Variants in HEATR3 observed in about 807,000 individuals in gnomAD.
The protein encoded by HEATR3 is HEAT repeat-containing protein 3.
HEATR3 carries 56 observed loss-of-function variants against 72.8 expected under a neutral mutation model. The ratio of observed to expected loss-of-function variants is 0.77; its 90% CI spans 0.62 to 0.96. The LOEUF (loss-of-function observed/expected upper bound fraction) is 0.96, where lower values mean the gene tolerates loss of function less well. Among genes scored for constraint, HEATR3 ranks in the 40% least tolerant of loss-of-function variants. HEATR3 has a pLI of 0.00. For missense variants in HEATR3, 747 were observed against 831.4 expected, an observed-to-expected ratio of 0.90 and a Z score of 1.25; for synonymous variants, 331 against 318.1, an observed-to-expected ratio of 1.04 and a Z score of -0.43.
chr16:50,085,591 G>A (rs1000467708), intron 10 of HEATR3, among the ~76,000 whole-genome samples: 11 of 152,152 alleles, frequency 7.2e-5, no homozygotes, highest in Non-Finnish European at 1.0e-4. Context: ...CTATGATGGT[G>A]ACACTGTACT....
chr16:50,098,130 A>G (rs1028516359), intron 12 of HEATR3: 2 of 152,154 alleles, frequency 1.3e-5, no homozygotes, highest in Non-Finnish European at 2.9e-5. Context: ...TAAATAAAAA[A>G]TGGTACAATA....
At chr16:50,080,904 C>A (rs186583335) in intron 7 of HEATR3, among the ~76,000 whole-genome samples, 15 of 152,142 alleles carry the variant, frequency 9.9e-5, no homozygotes, top group Non-Finnish European at 1.9e-4. Flanking sequence ...GATCTGAAAT[C>A]CCTTGCTGGG....
intron 11 of HEATR3, among the ~76,000 whole-genome samples, chr16:50,092,752 C>CA (rs2037148263): frequency 6.6e-6 from 1 of 151,774 alleles, no homozygotes; most frequent in Admixed American, 6.6e-5. Context: ...CAAGGTCATT[C>CA]TTTTAGCTTG....
At chr16:50,080,966 C>T (rs1459956022) in intron 7 of HEATR3, among the ~76,000 whole-genome samples, 3 of 152,168 alleles carry the variant, frequency 2.0e-5, no homozygotes, top group Non-Finnish European at 4.4e-5. Flanking sequence ...GCCTTGCTTC[C>T]AAGGACCTTC....
intron 7 of HEATR3, among the ~76,000 whole-genome samples, chr16:50,081,689 C>T (rs1203754426): frequency 6.6e-6 from 1 of 152,154 alleles, no homozygotes; most frequent in African/African-American, 2.4e-5. Context: ...CCAGTGTCTT[C>T]TGCAGCACTC....
At chr16:50,098,654 T>TC (rs1362454922) in intron 12 of HEATR3, among the ~76,000 whole-genome samples, 2 of 151,662 alleles carry the variant, frequency 1.3e-5, no homozygotes, top group Non-Finnish European at 1.5e-5. Context: ...ATACTCCGTT[T>TC]CAAAAATAAT....
intron 7 of HEATR3, among the ~76,000 whole-genome samples, chr16:50,080,883 T>G (rs1225080387): frequency 6.6e-6 from 1 of 152,140 alleles, no homozygotes; most frequent in African/African-American, 2.4e-5. Flanking sequence ...TCTGATATAC[T>G]GTGTTTGAAG....
At chr16:50,103,650 A>G (rs978360476) in intron 14 of HEATR3, among the ~76,000 whole-genome samples, 1 of 152,144 alleles carries the variant, frequency 6.6e-6, no homozygotes, top group African/African-American at 2.4e-5. Context: ...AGCCTTCCAG[A>G]TGATACCGTT....
intron 12 of HEATR3, among the ~76,000 whole-genome samples, chr16:50,096,534 C>T (rs967921696): frequency 6.6e-6 from 1 of 152,134 alleles, no homozygotes; most frequent in Non-Finnish European, 1.5e-5. Context: ...TGCAGTGGCT[C>T]ACGCCTGTAA....
Position 50,105,053 on chromosome 16 carries a change from A to G in HEATR3, c.2035A>G (p.Thr679Ala). 1 of 1,608,950 alleles carries G rather than the reference A, an allele frequency of 6.2e-7. No individual in the cohort carries two copies. The highest frequency in any genetic ancestry group is 8.5e-7 in the Non-Finnish European group (1 of 1,178,900). Residue 679 changes from threonine to alanine, a missense_variant, in exon 15 of 15, where the codon ACT becomes GCT. By Grantham distance (58) the Thr-to-Ala change is moderately conservative. Coordinates refer to ENST00000299192, the MANE Select transcript of HEATR3 (RefSeq NM_182922.4). ...AYQETVEKRL[T>A]S ...TCAAGAAACTGTTGAGAAAAGACTG[A>G]CTTCTTAAACAATCCAAAAAAGAAA...
chr16:50,069,984 T>C (rs1414271696), intron 3 of HEATR3, among the ~76,000 whole-genome samples, 194 bp from the exon 4 acceptor site: 1 of 152,244 alleles, frequency 6.6e-6, no homozygotes, highest in Non-Finnish European at 1.5e-5. Context: ...TTTTGTTGCC[T>C]TCCTACTGTC....
intron 11 of HEATR3, among the ~76,000 whole-genome samples, chr16:50,092,096 G>A (rs1474261944): frequency 6.6e-6 from 1 of 152,028 alleles, no homozygotes; most frequent in Non-Finnish European, 1.5e-5. Context: ...CAGCACTTTG[G>A]GATGCTGAGG....
intron 10 of HEATR3, 24 bp downstream of exon 10, chr16:50,084,675 A>C: frequency 3.4e-6 from 5 of 1,484,722 alleles, no homozygotes; most frequent in Non-Finnish European, 4.7e-6. Flanking sequence ...TGCTTTCAAA[A>C]ACATTTGTCA....
At chr16:50,098,199 TTTGTACCCAAAAAGGTACA>T (rs2037286953) in intron 12 of HEATR3, 2 of 152,284 alleles carry the variant, frequency 1.3e-5, no homozygotes, top group South Asian at 2.1e-4. Flanking sequence ...AAAAGATACA[TTTGTACCCAAAAAGGTACA>T]TTGTACCCAA....
intron 12 of HEATR3, among the ~76,000 whole-genome samples, chr16:50,096,117 G>A (rs2150623359): frequency 6.6e-6 from 1 of 151,994 alleles, no homozygotes; most frequent in African/African-American, 2.4e-5. Context: ...CTGAGGTCAG[G>A]AAGTCAAGAC....
At chr16:50,072,306 G>A (rs968123839) in intron 4 of HEATR3, among the ~76,000 whole-genome samples, 1 of 152,132 alleles carries the variant, frequency 6.6e-6, no homozygotes, top group East Asian at 1.9e-4. Context: ...ATAAAATGGG[G>A]AGTTGAATTA....
At chr16:50,104,275 T>C (rs2037432045) in intron 14 of HEATR3, among the ~76,000 whole-genome samples, 1 of 152,088 alleles carries the variant, frequency 6.6e-6, no homozygotes, top group Admixed American at 6.6e-5. Flanking sequence ...ATCACTTGCG[T>C]CCGGGAGGTC....
intron 12 of HEATR3, among the ~76,000 whole-genome samples, chr16:50,098,859 A>G (rs1014636595): frequency 1.3e-5 from 2 of 152,092 alleles, no homozygotes; most frequent in Non-Finnish European, 1.5e-5. Flanking sequence ...CATTAAAACT[A>G]TTATTTGCTT....
At chr16:50,088,650 C>T (rs1373804849) in intron 11 of HEATR3, among the ~76,000 whole-genome samples, 1 of 152,198 alleles carries the variant, frequency 6.6e-6, no homozygotes, top group Non-Finnish European at 1.5e-5. Flanking sequence ...GGACTTTCCC[C>T]AACTTTTGCA....
Sources: gnomAD v4.1 joint callset for allele counts (sites outside exome capture counted in the v4.1 genomes callset) on GRCh38, gnomAD v4.1.1 for gene constraint, MANE v1.5 for transcripts, NCBI Gene and HGNC (gene_info 2026-07-23, HGNC 2026-07-21) for gene names.